Variants in LRP4 observed in about 807,000 individuals in gnomAD.
The protein encoded by LRP4 is LDL receptor related protein 4, also known as low-density lipoprotein receptor-related protein 4.
Under a neutral mutation model 220.3 loss-of-function variants are expected in LRP4, and 95 were observed. That is an observed-to-expected ratio of 0.43 (90% CI 0.37 to 0.51). LRP4 has a LOEUF of 0.51. Among genes scored for constraint, LRP4 ranks in the 20% least tolerant of loss-of-function variants. LRP4 has a pLI of 0.00. For missense variants in LRP4, 1,925 were observed against 2,567.0 expected (o/e 0.75, Z 5.40); for synonymous variants, 903 against 954.6 (o/e 0.95, Z 1.00).
At chr11:46,898,311 G>A (rs888831976) in intron 7 of LRP4, among the ~76,000 whole-genome samples, 4 of 152,290 alleles carry the variant, frequency 2.6e-5, no homozygotes, top group South Asian at 2.1e-4. Flanking sequence ...TCAGCCTCCC[G>A]AGTAGCTGGG....
chr11:46,898,574 A>T lies in LRP4; in HGVS notation c.780T>A (p.Ser260=). The change falls in exon 7 of 38, where the codon TCT becomes TCA. Residue 260 remains serine, a synonymous_variant. Transcript: ENST00000378623. ...CCCACTCACTGCAGTTGCGCTCATC[A>T]GACTGGTCATCACAGTCCGCGTCAC... ...CDGDADCDDQ[S]DERNCTTSMC... The T allele has an allele frequency of 6.2e-7, 1 of 1,614,178 alleles. No individual in the cohort carries two copies. The highest frequency in any genetic ancestry group is 1.1e-5 in the South Asian group (1 of 91,084).
rs763755365 is a variant in LRP4 at position 46,859,268 on chromosome 11, C to T, written c.5433G>A (p.Glu1811=). ...CATCCCCAGACAGGAGGCAGATTCC[C>T]TCTACGATCTTGATCTTCTCCTTGG... ...NYTKEKIKIV[E]GICLLSGDDA... Residue 1811 remains glutamate, a synonymous_variant, in exon 38 of 38, where the codon GAG becomes GAA. Coordinates refer to ENST00000378623, the MANE Select transcript of LRP4 (RefSeq NM_002334.4). The T allele has an allele frequency of 3.6e-5, 58 of 1,614,142 alleles. 1 individual carries two copies. In the South Asian group the frequency reaches 5.9e-4, roughly 17 times the overall value.
chr11:46,862,537 G>A, intron 37 of LRP4, 69 bp downstream of exon 37: 2 of 1,491,256 alleles, frequency 1.3e-6, no homozygotes, highest in South Asian at 2.3e-5. Flanking sequence ...GACTTATTTG[G>A]GCATTTGGAG....
chr11:46,874,456 T>A (rs565837139), intron 28 of LRP4: 1 of 258,770 alleles, frequency 3.9e-6, no homozygotes, highest in Admixed American at 4.9e-5. Flanking sequence ...TTTACTGCAA[T>A]ACAGATACTG....
Position 46,878,925 on chromosome 11 carries a change from C to T in LRP4, c.3118G>A (p.Gly1040Ser). The T allele has an allele frequency of 6.2e-7, 1 of 1,614,164 alleles. No homozygotes were observed. The highest frequency in any genetic ancestry group is 8.5e-7 in the Non-Finnish European group (1 of 1,180,034). ...CACTCACCTGGTGAGCAGGTCTTGC[C>T]ATCAGACAGCAGGTTGATGCCTGTG... is the stretch of plus-strand genomic sequence containing the variant. ...CPTGINLLSDGKTCSPGMNSF... is the reference protein window; with the variant it reads ...CPTGINLLSDSKTCSPGMNSF... The change falls in exon 22 of 38, where the codon GGC becomes AGC. Residue 1040 changes from glycine to serine, a missense_variant. Around this residue, in one of 3 missense-constraint regions of LRP4, gnomAD observed 1,244 missense variants for 1,624.9 expected, o/e 0.77. Coordinates refer to ENST00000378623, the MANE Select transcript of LRP4 (RefSeq NM_002334.4).
chr11:46,884,068 A>G, intron 18 of LRP4, 92 bp from the exon 19 acceptor site: 1 of 954,768 alleles, frequency 1.0e-6, no homozygotes. Context: ...ATGCGCCAGC[A>G]GAGCACAGAG....
At chr11:46,896,743 A>G (rs902905146) in intron 8 of LRP4, 126 bp downstream of exon 8, 6 of 1,420,862 alleles carry the variant, frequency 4.2e-6, no homozygotes, top group Admixed American at 1.7e-5. Flanking sequence ...CCGCAGGTCA[A>G]TGATGCACCT....
intron 1 of LRP4, among the ~76,000 whole-genome samples, chr11:46,909,566 C>T (rs945314317): frequency 9.9e-6 from 1 of 101,128 alleles, no homozygotes; most frequent in Non-Finnish European, 1.8e-5. Context: ...GATTGCGCCA[C>T]TGCAGTCCGC....
At chr11:46,893,545 A>C (rs1941465557) in intron 12 of LRP4, among the ~76,000 whole-genome samples, 1 of 152,142 alleles carries the variant, frequency 6.6e-6, no homozygotes, top group African/African-American at 2.4e-5. Flanking sequence ...GAATTTGACC[A>C]CTTCACCTAT....
At chr11:46,874,309 C>G (rs1940952272) in intron 28 of LRP4, 1 of 164,834 alleles carries the variant, frequency 6.1e-6, no homozygotes, top group Non-Finnish European at 1.3e-5. Context: ...TGGTAAACCA[C>G]TCTTACTGGT....
At chr11:46,909,871 G>A (rs990598780) in intron 1 of LRP4, among the ~76,000 whole-genome samples, 3 of 152,180 alleles carry the variant, frequency 2.0e-5, no homozygotes, top group East Asian at 1.9e-4. Flanking sequence ...GAATCTTCTC[G>A]TTTGCAAGGC....
Position 46,859,252 on chromosome 11 carries a change from A to T in LRP4, c.5449T>A (p.Ser1817Thr), listed in dbSNP as rs772123153. Residue 1817 changes from serine to threonine, a missense_variant, in exon 38 of 38, where the codon TCT (serine) becomes ACT (threonine). By Grantham distance (58) the Ser-to-Thr change is moderately conservative (BLOSUM62 1). Transcript: ENST00000378623. ...IKIVEGICLL[S>T]GDDAEWDDLK... Reference sequence around the variant, plus strand: ...TCATCCCACTCAGCATCATCCCCAGACAGGAGGCAGATTCCCTCTACGATC... The same window carrying T: ...TCATCCCACTCAGCATCATCCCCAGTCAGGAGGCAGATTCCCTCTACGATC... The T allele has an allele frequency of 3.7e-6, 6 of 1,614,076 alleles. No individual in the cohort carries two copies. The highest frequency in any genetic ancestry group is 5.1e-6 in the Non-Finnish European group (6 of 1,180,022).
intron 1 of LRP4, among the ~76,000 whole-genome samples, chr11:46,915,574 C>T (rs1216291118): frequency 1.3e-5 from 2 of 152,212 alleles, no homozygotes; most frequent in South Asian, 2.1e-4. Flanking sequence ...GATAGAGTCT[C>T]ACTCTGTCGC....
In LRP4 at chr11:46,894,625, C is replaced by T. The variant is rs1166525077; in HGVS notation, c.1504G>A (p.Val502Met). The T allele has an allele frequency of 7.4e-6, 12 of 1,612,846 alleles. No homozygotes were observed. Among genetic ancestry groups the T allele is most frequent in the Admixed American group, 1.7e-5 (1 of 59,722 alleles). Residue 502 changes from valine (V) to methionine (M), a missense_variant, in exon 12 of 38, where the codon GTG becomes ATG. By Grantham distance (21) the Val-to-Met change is conservative. Transcript: ENST00000378623. ...ILRANLNGSN[V>M]EEVVSTGLES... ...AGCCCAGTAGACACAACCTCCTCCA[C>T]GTTGCTGCCGTTGAGGTTGGCACGG...
chr11:46,860,515 A>G (rs1940518155), intron 37 of LRP4, among the ~76,000 whole-genome samples: 1 of 152,132 alleles, frequency 6.6e-6, no homozygotes, highest in Non-Finnish European at 1.5e-5. Context: ...CACCACTGCT[A>G]GAAGAAAATG....
In LRP4 at chr11:46,899,989, A is replaced by C. The variant is rs1941632323; in HGVS notation, c.317-13T>G. ...CACTCCCGGGGGGCTGTGGGCACAGAGCAGTCAGGCTGCTGCAGGCAGTGG... is the reference window on the plus strand; with the variant it reads ...CACTCCCGGGGGGCTGTGGGCACAGCGCAGTCAGGCTGCTGCAGGCAGTGG... On this transcript the variant is annotated splice_polypyrimidine_tract_variant and intron_variant, in intron 3 of 37. Coordinates refer to ENST00000378623, the MANE Select transcript of LRP4 (RefSeq NM_002334.4). The surrounding 1 kb of genome is among the most constrained non-coding windows in gnomAD (Gnocchi z 5.9). 6.2e-7 allele frequency: 1 copy of C among 1,600,288 alleles called. No individual in the cohort carries two copies. The highest frequency in any genetic ancestry group is 8.6e-7 in the Non-Finnish European group (1 of 1,168,080).
Position 46,894,581 on chromosome 11 carries a change from T to G in LRP4, c.1540+8A>C. On this transcript the variant is annotated splice_region_variant and intron_variant, in intron 12 of 37. Transcript: ENST00000378623. Reference sequence around the variant, plus strand: ...CTCTGCCCCTCTCCATGGGGCCTTGTTCCCTACCTGGGCTCTCCAGCCCAG... The same window carrying G: ...CTCTGCCCCTCTCCATGGGGCCTTGGTCCCTACCTGGGCTCTCCAGCCCAG... 1 of 1,592,502 alleles carries G rather than the reference T, an allele frequency of 6.3e-7. No individual in the cohort carries two copies. Among genetic ancestry groups the G allele is most frequent in the Non-Finnish European group, 8.6e-7 (1 of 1,168,590 alleles).
rs528433001 is a variant in LRP4, at chr11:46,865,214, A to G, written c.5088-28T>C. ...GTGGGGCACAGAAAACTGGATGTGAAGCCTACTCATACTCAGTGAAGGTCA... is the reference window on the plus strand; with the variant it reads ...GTGGGGCACAGAAAACTGGATGTGAGGCCTACTCATACTCAGTGAAGGTCA... On this transcript the variant is annotated intron_variant, in intron 34 of 37. Transcript: ENST00000378623. The G allele has an allele frequency of 3.3e-6, 5 of 1,515,162 alleles. No homozygotes were observed. The East Asian group carries it at 7.4e-5, about 22-fold the overall frequency. 93.9% of individuals were successfully genotyped at this position (1,515,162 alleles called of 1,614,324 possible). A position where few individuals can be genotyped will look rare whatever the true frequency, so the allele number is the denominator to read the frequency against.
intron 16 of LRP4, 76 bp downstream of exon 16, chr11:46,889,335 C>G (rs1319180754): frequency 1.3e-6 from 2 of 1,592,222 alleles, no homozygotes. Context: ...GGCAATCCCT[C>G]CACGTCCTAT....
Sources: gnomAD v4.1 joint callset for allele counts (sites outside exome capture counted in the v4.1 genomes callset) on GRCh38, gnomAD v4.1.1 for gene constraint, gnomAD v4.1.1 regional missense constraint, Gnocchi (gnomAD v3.1) non-coding constraint, MANE v1.5 for transcripts, NCBI Gene and HGNC (gene_info 2026-07-23, HGNC 2026-07-21) for gene names.